AKT3: variants seen among roughly 807,000 people sequenced by gnomAD.
The protein encoded by AKT3 is AKT serine/threonine kinase 3, also known as RAC-gamma serine/threonine-protein kinase.
AKT3 carries 15 observed loss-of-function variants against 65.3 expected under a neutral mutation model. That is an observed-to-expected ratio of 0.23 (90% CI 0.15 to 0.35). AKT3 has a LOEUF of 0.35. AKT3 is among the 10% of genes least tolerant of loss of function. AKT3 has a pLI of 1.00. For synonymous variants in AKT3, 206 were observed against 183.8 expected (o/e 1.12, Z -0.98); for missense variants, 243 against 576.5 (o/e 0.42, Z 5.92).
chr1:243,695,945 T>C (rs1685036429), intron 2 of AKT3, among the ~76,000 whole-genome samples: 1 of 151,992 alleles, frequency 6.6e-6, no homozygotes, highest in Non-Finnish European at 1.5e-5. Context: ...TGATAATTCA[T>C]TTGCACCATT....
chr1:243,797,670 T>TA (rs1419254562), intron 2 of AKT3, among the ~76,000 whole-genome samples: 1 of 152,104 alleles, frequency 6.6e-6, no homozygotes, highest in Admixed American at 6.6e-5. Flanking sequence ...ATTGGAGGGT[T>TA]AAACAGTGGG....
intron 4 of AKT3, among the ~76,000 whole-genome samples, chr1:243,652,098 C>CAGTGCAGT (rs1681386515): frequency 6.7e-6 from 1 of 149,290 alleles, no homozygotes; most frequent in Admixed American, 6.7e-5. Flanking sequence ...ACCCAGGCTG[C>CAGTGCAGT]AGTGCAGTAG....
In AKT3 at chr1:243,620,453, A is replaced by T. The variant is rs1418765154; in HGVS notation, c.562-5292T>A. ...GTGATATGACACACTTTTACAAATT[A>T]AACAATGATTACCAGTGATTATTAT... is the stretch of plus-strand genomic sequence containing the variant. On this transcript the variant is annotated intron_variant, in intron 6 of 13. Coordinates refer to ENST00000673466, the MANE Select transcript of AKT3 (RefSeq NM_005465.7). 2.0e-3 allele frequency among the ~76,000 whole-genome samples: 296 copies of T among 151,526 alleles called. 114 individuals are homozygous for T. The highest frequency in any genetic ancestry group is 2.8e-3 in the Non-Finnish European group (190 of 67,712).
At chr1:243,685,076 C>T (rs1036638325) in intron 3 of AKT3, among the ~76,000 whole-genome samples, 18 of 152,038 alleles carry the variant, frequency 1.2e-4, no homozygotes, top group African/African-American at 2.9e-4. Context: ...GGATAGATTG[C>T]GAAAATTTTC....
intron 2 of AKT3, among the ~76,000 whole-genome samples, chr1:243,838,684 C>T (rs565566586): frequency 6.6e-6 from 1 of 152,278 alleles, no homozygotes; most frequent in African/African-American, 2.4e-5. Flanking sequence ...CAGAATTAAG[C>T]TATCTTGTGA....
chr1:243,684,963 T>A (rs184622455), intron 3 of AKT3, among the ~76,000 whole-genome samples: 8 of 152,296 alleles, frequency 5.3e-5, no homozygotes, highest in African/African-American at 1.7e-4. Flanking sequence ...TTCTTTTGCA[T>A]AGTGTTTGTT....
chr1:243,738,422 G>C (rs1459205573), intron 2 of AKT3, among the ~76,000 whole-genome samples: 1 of 152,160 alleles, frequency 6.6e-6, no homozygotes, highest in Non-Finnish European at 1.5e-5. Context: ...AGGACAATGG[G>C]GGAAAGTATT....
At chr1:243,519,324 T>A (rs1013338683) in intron 12 of AKT3, among the ~76,000 whole-genome samples, 1 of 152,214 alleles carries the variant, frequency 6.6e-6, no homozygotes, top group African/African-American at 2.4e-5. Context: ...AGCAGAACTT[T>A]CAATGGAAAT....
At chr1:243,793,666 G>A (rs1208124127) in intron 2 of AKT3, 1 of 152,068 alleles carries the variant, frequency 6.6e-6, no homozygotes, top group Admixed American at 6.6e-5. Context: ...TAGCTCCTCA[G>A]GAGGCTTAGA....
intron 2 of AKT3, among the ~76,000 whole-genome samples, chr1:243,791,763 G>C (rs1691646122): frequency 6.6e-6 from 1 of 152,148 alleles, no homozygotes; most frequent in South Asian, 2.1e-4. Flanking sequence ...CTGCCCCTGG[G>C]CGGCATAAAG....
intron 2 of AKT3, among the ~76,000 whole-genome samples, chr1:243,837,454 A>G (rs1694961345): frequency 6.6e-6 from 1 of 152,216 alleles, no homozygotes; most frequent in African/African-American, 2.4e-5. Context: ...TTATGAATCC[A>G]GCATAACCAC....
chr1:243,776,730 T>C (rs1426643855), intron 2 of AKT3, among the ~76,000 whole-genome samples: 4 of 152,192 alleles, frequency 2.6e-5, no homozygotes, highest in Non-Finnish European at 5.9e-5. Flanking sequence ...CAAGAGATAG[T>C]GATAGGGCCA....
At chr1:243,628,516 T>G (rs1354510519) in intron 6 of AKT3, among the ~76,000 whole-genome samples, 2 of 152,170 alleles carry the variant, frequency 1.3e-5, no homozygotes, top group African/African-American at 4.8e-5. Context: ...CCAGGCTGAG[T>G]CTGAGTCTGA....
chr1:243,492,863 T>C (rs1372257613), intron 13 of AKT3, among the ~76,000 whole-genome samples: 1 of 152,144 alleles, frequency 6.6e-6, no homozygotes, highest in Non-Finnish European at 1.5e-5. Flanking sequence ...CACCTTGGCC[T>C]CCCAAAGTGC....
intron 8 of AKT3, among the ~76,000 whole-genome samples, chr1:243,580,966 C>T (rs1442691791): frequency 6.6e-6 from 1 of 152,166 alleles, no homozygotes; most frequent in Middle Eastern, 3.2e-3. Context: ...GTTTGAGTCA[C>T]CCCACCCCTC....
At chr1:243,610,657 C>A (rs541778494) in intron 8 of AKT3, among the ~76,000 whole-genome samples, 1 of 152,180 alleles carries the variant, frequency 6.6e-6, no homozygotes, top group African/African-American at 2.4e-5. Flanking sequence ...CTGAAAAATA[C>A]ATAAATGAAA....
chr1:243,800,294 G>C (rs1357142573), intron 2 of AKT3, among the ~76,000 whole-genome samples: 1 of 152,160 alleles, frequency 6.6e-6, no homozygotes, highest in Middle Eastern at 3.2e-3. Context: ...AACCTTACAG[G>C]GCTGTTGTGA....
chr1:243,609,998 A>G (rs1558651139), intron 8 of AKT3, among the ~76,000 whole-genome samples: 1 of 152,114 alleles, frequency 6.6e-6, no homozygotes, highest in Non-Finnish European at 1.5e-5. Flanking sequence ...TTATTTTTGT[A>G]CCCTTTCTCC....
At chr1:243,737,021 TA>T (rs1687884460) in intron 2 of AKT3, among the ~76,000 whole-genome samples, 1 of 152,138 alleles carries the variant, frequency 6.6e-6, no homozygotes, top group Admixed American at 6.5e-5. Context: ...CAAACCCTAC[TA>T]ATCTACTTTC....
Sources: gnomAD v4.1 joint callset for allele counts (sites outside exome capture counted in the v4.1 genomes callset) on GRCh38, gnomAD v4.1.1 for gene constraint, MANE v1.5 for transcripts, NCBI Gene and HGNC (gene_info 2026-07-23, HGNC 2026-07-21) for gene names.